WDR70: variants seen among roughly 807,000 people sequenced by gnomAD.
WDR70 encodes WD repeat-containing protein 70.
A neutral mutation model predicts 88.6 loss-of-function variants in WDR70; 53 were observed. The observed-to-expected ratio is 0.60, with a 90% CI of 0.48 to 0.75. The LOEUF is 0.75. WDR70 is among the 30% of genes least tolerant of loss of function. The pLI is 0.00. For missense variants in WDR70, 610 were observed against 823.2 expected, an observed-to-expected ratio of 0.74 and a Z score of 3.17; for synonymous variants, 280 against 270.0, an observed-to-expected ratio of 1.04 and a Z score of -0.36.
At chr5:37,588,412 T>C (rs1351250374) in intron 9 of WDR70, among the ~76,000 whole-genome samples, 4 of 152,032 alleles carry the variant, frequency 2.6e-5, no homozygotes, top group Admixed American at 1.3e-4. Context: ...CATGATAGGC[T>C]AAATTAAAAG....
At chr5:37,553,808 G>A (rs374174348) in intron 9 of WDR70, among the ~76,000 whole-genome samples, 1 of 152,168 alleles carries the variant, frequency 6.6e-6, no homozygotes, top group African/African-American at 2.4e-5. Context: ...TTTACTAAGT[G>A]TGTGACTTTT....
intron 9 of WDR70, among the ~76,000 whole-genome samples, chr5:37,583,435 AAAG>A (rs1743276054): frequency 6.6e-6 from 1 of 151,870 alleles, no homozygotes; most frequent in Admixed American, 6.6e-5. Flanking sequence ...AAAAAAAAAA[AAAG>A]AATAGAGCAG....
chr5:37,650,166 G>T (rs1258694697), intron 10 of WDR70, among the ~76,000 whole-genome samples: 2 of 151,276 alleles, frequency 1.3e-5, no homozygotes, highest in Non-Finnish European at 2.9e-5. Context: ...GGGAGGCCAA[G>T]GTGGGTGGAT....
At chr5:37,502,298 A>T (rs1454246436) in intron 8 of WDR70, among the ~76,000 whole-genome samples, 1 of 151,656 alleles carries the variant, frequency 6.6e-6, no homozygotes, top group Non-Finnish European at 1.5e-5. Flanking sequence ...TCTAGCTAGG[A>T]CTCCCAGTAT....
chr5:37,559,729 C>A (rs1742443121), intron 9 of WDR70, among the ~76,000 whole-genome samples: 1 of 151,952 alleles, frequency 6.6e-6, no homozygotes, highest in African/African-American at 2.4e-5. Context: ...CCTGTAATCC[C>A]AGCTACTTGG....
At chr5:37,613,548 T>A (rs1050111824) in intron 10 of WDR70, among the ~76,000 whole-genome samples, 4 of 152,168 alleles carry the variant, frequency 2.6e-5, no homozygotes, top group African/African-American at 7.2e-5. Flanking sequence ...GCTCTCCCTT[T>A]ACCATCACAG....
chr5:37,590,111 G>A (rs963783560), intron 9 of WDR70, among the ~76,000 whole-genome samples: 1 of 151,944 alleles, frequency 6.6e-6, no homozygotes, highest in Non-Finnish European at 1.5e-5. Flanking sequence ...AATTACTGAT[G>A]GTCTTTTCTA....
chr5:37,745,954 C>G (rs1193758314), intron 17 of WDR70, among the ~76,000 whole-genome samples: 1 of 152,168 alleles, frequency 6.6e-6, no homozygotes, highest in Non-Finnish European at 1.5e-5. Context: ...CTCTCTACCC[C>G]AAATCAGCAG....
chr5:37,749,548 G>GT (rs945643883), intron 17 of WDR70, among the ~76,000 whole-genome samples: 12 of 148,536 alleles, frequency 8.1e-5, no homozygotes, highest in East Asian at 5.9e-4. Context: ...CATGTATCCT[G>GT]TTTTTTTTTA....
intron 5 of WDR70, 98 bp from the exon 6 acceptor site, chr5:37,437,824 T>C (rs1178832380): frequency 5.2e-5 from 62 of 1,198,518 alleles, no homozygotes; most frequent in Non-Finnish European, 7.0e-5. Context: ...AAACCAATGA[T>C]GCAATTTTAA....
At chr5:37,708,771 A>G (rs976582944) in intron 13 of WDR70, among the ~76,000 whole-genome samples, 1 of 152,188 alleles carries the variant, frequency 6.6e-6, no homozygotes, top group East Asian at 1.9e-4. Flanking sequence ...ATTAATGGAT[A>G]TTCCACAAGT....
At chr5:37,446,567 G>T (rs1317251547) in intron 7 of WDR70, among the ~76,000 whole-genome samples, 1 of 152,170 alleles carries the variant, frequency 6.6e-6, no homozygotes. Context: ...AACCAAAACG[G>T]CATGGTACTG....
At chr5:37,739,116 A>G (rs1748390934) in intron 17 of WDR70, among the ~76,000 whole-genome samples, 1 of 152,238 alleles carries the variant, frequency 6.6e-6, no homozygotes, top group Non-Finnish European at 1.5e-5. Context: ...TGGAAAATGC[A>G]AGGTTCACAT....
intron 16 of WDR70, 48 bp from the exon 17 acceptor site, chr5:37,726,835 C>G: frequency 6.5e-7 from 1 of 1,544,510 alleles, no homozygotes; most frequent in African/African-American, 1.4e-5. Flanking sequence ...ACCTATGTAT[C>G]CTCATGCTCA....
Position 37,557,655 on chromosome 5 carries a change from G to T in WDR70, c.917+41065G>T, listed in dbSNP as rs1742332265. On this transcript the variant is annotated intron_variant, in intron 9 of 17. Transcript: ENST00000265107. The stretch of plus-strand genomic sequence containing the variant: ...TACTATAGACTTAGTGGTAAGAGGA[G>T]TTAAACATTGTAGCAGAGTCAGTGC... Among the ~76,000 whole-genome samples, 7 of 151,996 alleles carry T rather than the reference G, an allele frequency of 4.6e-5. No individual in the cohort carries two copies. In the South Asian group the frequency reaches 1.5e-3, roughly 32 times the overall value.
chr5:37,390,028 T>C (rs1368891885), intron 3 of WDR70, among the ~76,000 whole-genome samples: 1 of 152,186 alleles, frequency 6.6e-6, no homozygotes, highest in African/African-American at 2.4e-5. Flanking sequence ...CAACTTGGAT[T>C]GTATTGTATT....
intron 9 of WDR70, among the ~76,000 whole-genome samples, chr5:37,580,029 C>T (rs968853827): frequency 1.3e-5 from 2 of 152,140 alleles, no homozygotes; most frequent in Admixed American, 1.3e-4. Flanking sequence ...TATATCTTAT[C>T]TGTTGTATGC....
intron 9 of WDR70, among the ~76,000 whole-genome samples, chr5:37,563,066 C>T (rs1375031974): frequency 4.2e-4 from 31 of 73,906 alleles, no homozygotes; most frequent in African/African-American, 1.7e-3. Flanking sequence ...GGCGGCTGGC[C>T]GGGCGGGGGG....
At chr5:37,649,733 CTTTT>C (rs70978834) in intron 10 of WDR70, among the ~76,000 whole-genome samples, 3 of 68,736 alleles carry the variant, frequency 4.4e-5, no homozygotes, top group African/African-American at 1.3e-4. Context: ...GTTATTACTT[CTTTT>C]TTTTTTTTTT....
Sources: allele counts gnomAD v4.1 joint callset (sites outside exome capture counted in the v4.1 genomes callset), GRCh38; gene constraint gnomAD v4.1.1; transcripts MANE v1.5; gene names NCBI Gene and HGNC (gene_info 2026-07-23, HGNC 2026-07-21).